The following MARCHF1 variants were observed in gnomAD, a reference collection of about 807,000 sequenced individuals.
MARCHF1 encodes membrane associated ring-CH-type finger 1, also known as E3 ubiquitin-protein ligase MARCHF1.
A neutral mutation model predicts 54.2 loss-of-function variants in MARCHF1; 40 were observed. That is an observed-to-expected ratio of 0.74 (90% CI 0.57 to 0.96). MARCHF1 has a LOEUF of 0.96. Among genes scored for constraint, MARCHF1 ranks in the 40% least tolerant of loss-of-function variants. The pLI, the probability that MARCHF1 is intolerant of heterozygous loss-of-function variation, is 0.00. For missense variants in MARCHF1, 586 were observed against 656.5 expected (o/e 0.89, Z 1.17); for synonymous variants, 236 against 236.3 (o/e 1.00, Z 0.01).
chr4:164,201,062 G>A (rs1199239105), intron 1 of MARCHF1, among the ~76,000 whole-genome samples: 3 of 152,220 alleles, frequency 2.0e-5, no homozygotes, highest in Non-Finnish European at 4.4e-5. Flanking sequence ...AAGCATGGCG[G>A]AAGAAACAAG....
chr4:163,735,452 G>C (rs141618419), intron 4 of MARCHF1, among the ~76,000 whole-genome samples: 48 of 152,246 alleles, frequency 3.2e-4, no homozygotes, highest in African/African-American at 1.1e-3. Context: ...GTCTTAGTTG[G>C]TTTGTGTTGC....
chr4:164,324,337 C>T (rs1735218098), intron 1 of MARCHF1, among the ~76,000 whole-genome samples: 1 of 151,516 alleles, frequency 6.6e-6, no homozygotes, highest in Non-Finnish European at 1.5e-5. Context: ...ATATTAAAAC[C>T]CAAAAACAAT....
At chr4:163,560,696 T>C (rs1414468880) in intron 8 of MARCHF1, among the ~76,000 whole-genome samples, 1 of 152,184 alleles carries the variant, frequency 6.6e-6, no homozygotes, top group Non-Finnish European at 1.5e-5. Context: ...TTAATTTCTC[T>C]CAACAATGTT....
At chr4:164,019,022 C>T (rs983330433) in intron 2 of MARCHF1, among the ~76,000 whole-genome samples, 4 of 152,186 alleles carry the variant, frequency 2.6e-5, no homozygotes, top group African/African-American at 9.6e-5. Context: ...CTCTTCTATT[C>T]TGCTCAGCTC....
intron 1 of MARCHF1, among the ~76,000 whole-genome samples, chr4:164,356,376 A>T (rs1246047546): frequency 2.1e-5 from 3 of 141,786 alleles, no homozygotes; most frequent in South Asian, 2.3e-4. Context: ...CAAATGTCCA[A>T]CAATGATAGA....
At chr4:164,146,435 A>G (rs1262029320) in intron 1 of MARCHF1, among the ~76,000 whole-genome samples, 7 of 152,196 alleles carry the variant, frequency 4.6e-5, no homozygotes, top group African/African-American at 1.7e-4. Flanking sequence ...CTACAAGGCT[A>G]TAGTAACCAA....
At chr4:164,066,260 A>G (rs1237282816) in intron 2 of MARCHF1, among the ~76,000 whole-genome samples, 1 of 152,242 alleles carries the variant, frequency 6.6e-6, no homozygotes, top group Non-Finnish European at 1.5e-5. Context: ...CAACGAGCAC[A>G]CACAAAAAAA....
intron 5 of MARCHF1, among the ~76,000 whole-genome samples, chr4:163,654,360 T>C (rs1196393654): frequency 1.3e-5 from 2 of 151,800 alleles, no homozygotes; most frequent in Non-Finnish European, 3.0e-5. Context: ...GTTTGTGTGA[T>C]GTTTTAAAGT....
At chr4:164,179,256 T>A (rs1560941607) in intron 1 of MARCHF1, among the ~76,000 whole-genome samples, 1 of 152,184 alleles carries the variant, frequency 6.6e-6, no homozygotes, top group Non-Finnish European at 1.5e-5. Context: ...GTTTCCTCTC[T>A]ACACCAGTAC....
intron 1 of MARCHF1, among the ~76,000 whole-genome samples, chr4:164,366,323 T>C (rs754161394): frequency 3.3e-5 from 5 of 152,076 alleles, no homozygotes; most frequent in Admixed American, 6.6e-5. Flanking sequence ...CTGGCTCTTA[T>C]AAAGTTTACA....
At chr4:164,189,386 C>T (rs554985250) in intron 1 of MARCHF1, 6 of 655,472 alleles carry the variant, frequency 9.2e-6, no homozygotes, top group Non-Finnish European at 1.7e-5. Context: ...CTGTTCTGGT[C>T]TACTATGAGG....
chr4:164,360,001 G>A (rs1235441837), intron 1 of MARCHF1, among the ~76,000 whole-genome samples: 1 of 152,086 alleles, frequency 6.6e-6, no homozygotes, highest in Non-Finnish European at 1.5e-5. Flanking sequence ...CTAGTAGGCC[G>A]TGTGAACCCC....
intron 4 of MARCHF1, among the ~76,000 whole-genome samples, chr4:163,832,813 C>T (rs1749068230): frequency 9.2e-6 from 1 of 109,192 alleles, no homozygotes. Flanking sequence ...TTGTTCAATT[C>T]CCACCTACGA....
intron 1 of MARCHF1, among the ~76,000 whole-genome samples, chr4:164,336,418 T>C (rs1467035339): frequency 2.0e-5 from 3 of 152,238 alleles, no homozygotes; most frequent in African/African-American, 7.2e-5. Context: ...CTCAAAGAAC[T>C]CAGAGGTCCC....
rs559936604 is a variant in MARCHF1, at chr4:163,906,091, T to A, written c.-38-51922A>T. Among the ~76,000 whole-genome samples, 12 of 152,168 alleles carry A rather than the reference T, an allele frequency of 7.9e-5. No homozygotes were observed. The South Asian group carries it at 2.5e-3, about 32-fold the overall frequency. On this transcript the variant is annotated intron_variant, in intron 3 of 9. Coordinates refer to ENST00000514618, the MANE Select transcript of MARCHF1 (RefSeq NM_001394959.1). The stretch of plus-strand genomic sequence containing the variant: ...TTTACCCAATGGATACATGGAGAAA[T>A]ATTATTATACTTTGCCTTTAAAACA...
chr4:163,600,840 A>T (rs780508025), intron 7 of MARCHF1, among the ~76,000 whole-genome samples: 2 of 152,168 alleles, frequency 1.3e-5, no homozygotes, highest in African/African-American at 4.8e-5. Flanking sequence ...GAAAGAAGGA[A>T]GTTCTCAGTT....
intron 4 of MARCHF1, among the ~76,000 whole-genome samples, chr4:163,722,618 G>A (rs1561040055): frequency 6.6e-6 from 1 of 152,150 alleles, no homozygotes; most frequent in African/African-American, 2.4e-5. Context: ...GTCTAATGTT[G>A]ACAGTGGGGT....
chr4:163,878,283 C>T (rs988090544), intron 3 of MARCHF1, among the ~76,000 whole-genome samples: 18 of 152,160 alleles, frequency 1.2e-4, no homozygotes, highest in African/African-American at 4.1e-4. Context: ...GAGAACATGG[C>T]TTTGCTATGA....
intron 5 of MARCHF1, among the ~76,000 whole-genome samples, chr4:163,670,388 GTCTA>G (rs74831110): frequency 0.41 from 60,984 of 149,590 alleles, 13,513 homozygotes; most frequent in Non-Finnish European, 0.52. Context: ...CTATCTGTCT[GTCTA>G]TCTATCTATC....
Sources: allele counts gnomAD v4.1 joint callset (sites outside exome capture counted in the v4.1 genomes callset), GRCh38; gene constraint gnomAD v4.1.1; transcripts MANE v1.5; gene names NCBI Gene and HGNC (gene_info 2026-07-23, HGNC 2026-07-21).